IMMP2L: variants seen among roughly 807,000 people sequenced by gnomAD.
IMMP2L encodes the protein inner mitochondrial membrane peptidase subunit 2.
In IMMP2L, 18 loss-of-function variants were observed where a neutral mutation model predicts 19.3. That is an observed-to-expected ratio of 0.93 (90% CI 0.64 to 1.38). The LOEUF (loss-of-function observed/expected upper bound fraction) is 1.38. Among genes scored for constraint, IMMP2L ranks in the 40% most tolerant of loss-of-function variants. IMMP2L has a pLI of 0.00. For synonymous variants in IMMP2L, 76 were observed against 73.0 expected, an observed-to-expected ratio of 1.04 and a Z score of -0.21; for missense variants, 233 against 218.2, an observed-to-expected ratio of 1.07 and a Z score of -0.43.
intron 3 of IMMP2L, among the ~76,000 whole-genome samples, chr7:110,973,718 G>A (rs1462113755): frequency 1.3e-5 from 2 of 152,084 alleles, no homozygotes; most frequent in Non-Finnish European, 2.9e-5. Context: ...TTGATTCTAG[G>A]TTGAAAGACA....
intron 4 of IMMP2L, among the ~76,000 whole-genome samples, chr7:110,907,584 T>C (rs1367062452): frequency 6.6e-6 from 1 of 152,082 alleles, no homozygotes; most frequent in African/African-American, 2.4e-5. Context: ...CTTTGGGCTG[T>C]GGTATCAGGC....
intron 3 of IMMP2L, among the ~76,000 whole-genome samples, chr7:110,984,655 TA>T (rs1190299506): frequency 2.6e-5 from 4 of 152,126 alleles, no homozygotes; most frequent in African/African-American, 9.6e-5. Context: ...CTTATTTTAA[TA>T]AAAATATTTT....
At chr7:111,261,793 G>A (rs1817335456) in intron 3 of IMMP2L, among the ~76,000 whole-genome samples, 1 of 152,056 alleles carries the variant, frequency 6.6e-6, no homozygotes, top group Non-Finnish European at 1.5e-5. Context: ...AGACCTTCGG[G>A]GGAAAGACAA....
At chr7:111,052,971 T>A (rs1329152391) in intron 3 of IMMP2L, among the ~76,000 whole-genome samples, 2 of 152,196 alleles carry the variant, frequency 1.3e-5, no homozygotes, top group African/African-American at 4.8e-5. Flanking sequence ...TAAGCTTAGC[T>A]ATATCTGTAT....
intron 4 of IMMP2L, chr7:110,963,212 T>A: frequency 2.8e-6 from 2 of 719,454 alleles, no homozygotes; most frequent in South Asian, 4.5e-5. Flanking sequence ...CATGCTACTT[T>A]TAATATCTGA....
intron 2 of IMMP2L, among the ~76,000 whole-genome samples, chr7:111,516,268 G>A (rs927909091): frequency 1.3e-5 from 2 of 151,956 alleles, no homozygotes; most frequent in African/African-American, 4.8e-5. Context: ...AAGAATTAAA[G>A]GGGCATGATG....
At chr7:110,910,890 A>T (rs765350297) in intron 4 of IMMP2L, among the ~76,000 whole-genome samples, 2 of 152,102 alleles carry the variant, frequency 1.3e-5, no homozygotes, top group African/African-American at 4.8e-5. Flanking sequence ...GATATTGTTG[A>T]TCTAGGAGAA....
At chr7:110,746,188 T>C (rs1308486144) in intron 5 of IMMP2L, among the ~76,000 whole-genome samples, 1 of 152,140 alleles carries the variant, frequency 6.6e-6, no homozygotes, top group Non-Finnish European at 1.5e-5. Context: ...AAGGGATCAA[T>C]GCAACAAGAA....
At chr7:111,086,518 C>T (rs904655372) in intron 3 of IMMP2L, among the ~76,000 whole-genome samples, 3 of 152,098 alleles carry the variant, frequency 2.0e-5, no homozygotes, top group African/African-American at 7.2e-5. Flanking sequence ...TCCAATTCTA[C>T]TTTCCAAAAC....
chr7:111,451,652 T>C (rs1276013626), intron 3 of IMMP2L, among the ~76,000 whole-genome samples: 2 of 148,932 alleles, frequency 1.3e-5, no homozygotes, highest in African/African-American at 5.0e-5. Context: ...GCATGGCACA[T>C]GTATACATAT....
intron 3 of IMMP2L, among the ~76,000 whole-genome samples, chr7:111,389,637 T>G (rs1832138562): frequency 6.6e-6 from 1 of 152,084 alleles, no homozygotes; most frequent in African/African-American, 2.4e-5. Flanking sequence ...ATAATAAAAT[T>G]TTAATATTGA....
At chr7:110,905,910 T>C (rs1812402444) in intron 4 of IMMP2L, among the ~76,000 whole-genome samples, 1 of 152,184 alleles carries the variant, frequency 6.6e-6, no homozygotes, top group Admixed American at 6.5e-5. Context: ...AAGAAGTCAT[T>C]CTCTTTGTGT....
intron 3 of IMMP2L, among the ~76,000 whole-genome samples, chr7:111,331,514 C>T (rs1162558385): frequency 6.6e-6 from 1 of 151,474 alleles, no homozygotes. Flanking sequence ...TGATTATAGT[C>T]AATAATAGAG....
chr7:110,944,804 G>A (rs1267730185), intron 4 of IMMP2L, among the ~76,000 whole-genome samples: 1 of 151,860 alleles, frequency 6.6e-6, no homozygotes, highest in East Asian at 1.9e-4. Flanking sequence ...ATGTATGTGT[G>A]TACATATAGA....
chr7:111,396,992 G>A (rs986352695), intron 3 of IMMP2L, among the ~76,000 whole-genome samples: 1 of 151,986 alleles, frequency 6.6e-6, no homozygotes, highest in Non-Finnish European at 1.5e-5. Context: ...GGAGGCTGAC[G>A]CAGGAGAATG....
intron 5 of IMMP2L, among the ~76,000 whole-genome samples, chr7:110,852,631 T>C (rs550710785): frequency 4.2e-4 from 64 of 152,158 alleles, no homozygotes; most frequent in African/African-American, 1.5e-3. Context: ...CCCTGGACTG[T>C]CTCCAGGAAG....
At chr7:111,058,216 C>T (rs1237273493) in intron 3 of IMMP2L, among the ~76,000 whole-genome samples, 2 of 152,148 alleles carry the variant, frequency 1.3e-5, no homozygotes, top group Non-Finnish European at 2.9e-5. Flanking sequence ...CTAACTCAGG[C>T]TGTCATCCCA....
chr7:111,522,182 A>C (rs570949478), intron 1 of IMMP2L, among the ~76,000 whole-genome samples: 32 of 152,206 alleles, frequency 2.1e-4, no homozygotes, highest in African/African-American at 7.2e-4. Flanking sequence ...TTGTGGTGGC[A>C]GTGTTGGTGT....
rs570996067 is a variant in IMMP2L at position 110,775,043 on chromosome 7, A to G, written c.409-111322T>C. Among the ~76,000 whole-genome samples, 33 of 152,174 alleles carry G rather than the reference A, an allele frequency of 2.2e-4. No homozygotes were observed. The South Asian group carries it at 6.8e-3, about 32-fold the overall frequency. On this transcript the variant is annotated intron_variant, in intron 5 of 5. Coordinates refer to ENST00000405709, the MANE Select transcript of IMMP2L (RefSeq NM_032549.4). ...CAATGATTACTTAGTGATATAGGAA[A>G]ATACTTGTAGCAAGTGAAATGGAAG...
Sources: gnomAD v4.1 joint callset for allele counts (sites outside exome capture counted in the v4.1 genomes callset) on GRCh38, gnomAD v4.1.1 for gene constraint, MANE v1.5 for transcripts, NCBI Gene and HGNC (gene_info 2026-07-23, HGNC 2026-07-21) for gene names.